The following TMEM45A variants were observed in gnomAD, a reference collection of about 807,000 sequenced individuals.
TMEM45A encodes transmembrane protein 45A.
Under a neutral mutation model 32.0 loss-of-function variants are expected in TMEM45A, and 25 were observed. That is an observed-to-expected ratio of 0.78 (90% CI 0.57 to 1.09). The LOEUF (loss-of-function observed/expected upper bound fraction) is 1.09. Among genes scored for constraint, TMEM45A ranks in the 50% least tolerant of loss-of-function variants. TMEM45A has a pLI of 0.00. For missense variants in TMEM45A, 302 were observed against 325.0 expected, an observed-to-expected ratio of 0.93 and a Z score of 0.54; for synonymous variants, 122 against 114.8, an observed-to-expected ratio of 1.06 and a Z score of -0.40.
chr3:100,540,325 A>G (rs879431231), intron 1 of TMEM45A, among the ~76,000 whole-genome samples: 1 of 152,204 alleles, frequency 6.6e-6, no homozygotes, highest in Non-Finnish European at 1.5e-5. Flanking sequence ...ATATCTAAAC[A>G]ATATAAATGG....
At chr3:100,505,753 AC>A (rs1241465344) in intron 1 of TMEM45A, among the ~76,000 whole-genome samples, 1 of 152,228 alleles carries the variant, frequency 6.6e-6, no homozygotes, top group Non-Finnish European at 1.5e-5. Context: ...GATTTTTGAA[AC>A]ACCAGTCATC....
At chr3:100,569,318 T>G (rs1176890058) in intron 5 of TMEM45A, among the ~76,000 whole-genome samples, 1 of 152,240 alleles carries the variant, frequency 6.6e-6, no homozygotes, top group African/African-American at 2.4e-5. Flanking sequence ...TTTACCCATG[T>G]GTAGATACTT....
chr3:100,528,317 C>T (rs1358466642), intron 1 of TMEM45A, among the ~76,000 whole-genome samples: 1 of 152,202 alleles, frequency 6.6e-6, no homozygotes, highest in Non-Finnish European at 1.5e-5. Flanking sequence ...CTTGTTCTCC[C>T]TCAGGGGTGT....
intron 5 of TMEM45A, among the ~76,000 whole-genome samples, chr3:100,575,144 AT>A (rs1429896292): frequency 6.6e-6 from 1 of 152,158 alleles, no homozygotes; most frequent in Non-Finnish European, 1.5e-5. Context: ...TTGTTTGCAT[AT>A]TCCTATGTAT....
At chr3:100,529,614 C>A (rs1705609292) in intron 1 of TMEM45A, among the ~76,000 whole-genome samples, 1 of 151,982 alleles carries the variant, frequency 6.6e-6, no homozygotes, top group Non-Finnish European at 1.5e-5. Flanking sequence ...TTTCTCAGGC[C>A]AGCCTTTATT....
chr3:100,524,295 G>A (rs768292543), intron 1 of TMEM45A, among the ~76,000 whole-genome samples: 3 of 152,208 alleles, frequency 2.0e-5, no homozygotes, highest in Admixed American at 6.5e-5. Context: ...ATTTATAAAC[G>A]TGGTTCTCAT....
intron 1 of TMEM45A, among the ~76,000 whole-genome samples, chr3:100,498,421 A>G (rs1707962881): frequency 1.3e-5 from 2 of 152,256 alleles, no homozygotes. Context: ...TCCACTCAAG[A>G]AGAGAGAATT....
intron 1 of TMEM45A, among the ~76,000 whole-genome samples, chr3:100,526,147 A>G (rs932930823): frequency 5.3e-5 from 8 of 152,074 alleles, no homozygotes; most frequent in African/African-American, 1.7e-4. Context: ...CTGAAATACC[A>G]TTTAGCCCGT....
At chr3:100,557,554 TG>T (rs1303712097) in intron 3 of TMEM45A, among the ~76,000 whole-genome samples, 4 of 66,146 alleles carry the variant, frequency 6.0e-5, no homozygotes, top group East Asian at 1.3e-3. Context: ...AAGCATTTAA[TG>T]GTTTTTTTTT....
intron 1 of TMEM45A, among the ~76,000 whole-genome samples, chr3:100,549,240 C>T (rs1706040482): frequency 7.2e-6 from 1 of 139,330 alleles, no homozygotes; most frequent in Admixed American, 7.4e-5. Flanking sequence ...GAGTGAGATC[C>T]TGTCTCAAAA....
chr3:100,519,332 G>A, intron 1 of TMEM45A: 1 of 570,958 alleles, frequency 1.8e-6, no homozygotes, highest in Non-Finnish European at 3.1e-6. Context: ...TTTTAATACT[G>A]TGTTTGCTTA....
intron 4 of TMEM45A, among the ~76,000 whole-genome samples, chr3:100,559,712 T>C (rs1421768929): frequency 2.0e-5 from 3 of 152,102 alleles, no homozygotes; most frequent in Admixed American, 2.0e-4. Flanking sequence ...TTAAAAGAGA[T>C]GACTTCTGGT....
chr3:100,569,613 G>A (rs1403721974), intron 5 of TMEM45A, among the ~76,000 whole-genome samples: 2 of 152,058 alleles, frequency 1.3e-5, no homozygotes, highest in Non-Finnish European at 2.9e-5. Context: ...TTGTAAAATG[G>A]GGAAATAATA....
chr3:100,531,701 G>T (rs1380681225), intron 1 of TMEM45A, among the ~76,000 whole-genome samples: 1 of 152,202 alleles, frequency 6.6e-6, no homozygotes, highest in East Asian at 1.9e-4. Flanking sequence ...GTAGTTATTG[G>T]CTTGAATAGA....
At chr3:100,544,461 G>A (rs560448727) in intron 1 of TMEM45A, among the ~76,000 whole-genome samples, 2 of 152,174 alleles carry the variant, frequency 1.3e-5, no homozygotes, top group Middle Eastern at 3.4e-3. Flanking sequence ...TTATTGTCAC[G>A]ATCAATATAT....
chr3:100,493,386 C>G (rs567682279), intron 1 of TMEM45A, among the ~76,000 whole-genome samples: 8 of 151,966 alleles, frequency 5.3e-5, no homozygotes, highest in African/African-American at 1.9e-4. Flanking sequence ...AATAGGATGT[C>G]TAATATAAAT....
intron 1 of TMEM45A, among the ~76,000 whole-genome samples, chr3:100,542,573 A>G (rs2148968102): frequency 6.6e-6 from 1 of 152,224 alleles, no homozygotes; most frequent in South Asian, 2.1e-4. Context: ...AAACATCTCC[A>G]AAAAGACACA....
chr3:100,515,291 TGCA>T (rs1273019616), intron 1 of TMEM45A, among the ~76,000 whole-genome samples: 3 of 151,790 alleles, frequency 2.0e-5, no homozygotes, highest in Admixed American at 2.0e-4. Flanking sequence ...TGGAATACTA[TGCA>T]GCCATAAAAA....
intron 1 of TMEM45A, among the ~76,000 whole-genome samples, chr3:100,511,828 TC>T: frequency 6.6e-6 from 1 of 152,160 alleles, no homozygotes; most frequent in East Asian, 1.9e-4. Context: ...GCAATTCTCC[TC>T]TCTGATAAAA....
Sources: allele counts gnomAD v4.1 joint callset (sites outside exome capture counted in the v4.1 genomes callset), GRCh38; gene constraint gnomAD v4.1.1; transcripts MANE v1.5; gene names NCBI Gene and HGNC (gene_info 2026-07-23, HGNC 2026-07-21).